Variants in ABCA12 observed in about 807,000 individuals in gnomAD.
The protein encoded by ABCA12 is ATP binding cassette subfamily A member 12.
Under a neutral mutation model 293.5 loss-of-function variants are expected in ABCA12, and 156 were observed. The ratio of observed to expected loss-of-function variants is 0.53; its 90% CI spans 0.47 to 0.61. The LOEUF (loss-of-function observed/expected upper bound fraction) is 0.61, where lower values mean the gene tolerates loss of function less well. ABCA12 is among the 20% of genes least tolerant of loss of function. The pLI is 0.00. For synonymous variants in ABCA12, 1,063 were observed against 1,108.0 expected (o/e 0.96, Z 0.81); for missense variants, 2,797 against 3,090.2 (o/e 0.91, Z 2.25).
At chr2:215,014,485 G>A (rs1700446342) in intron 15 of ABCA12, among the ~76,000 whole-genome samples, 1 of 152,176 alleles carries the variant, frequency 6.6e-6, no homozygotes, top group South Asian at 2.1e-4. Flanking sequence ...GAATCATTGT[G>A]CAGATCATAA....
intron 36 of ABCA12, among the ~76,000 whole-genome samples, chr2:214,973,476 G>T (rs1699434262): frequency 6.6e-6 from 1 of 152,116 alleles, no homozygotes; most frequent in Non-Finnish European, 1.5e-5. Context: ...AGTAAGTGAT[G>T]AATAATTTTT....
chr2:215,057,677 G>A (rs750625060), intron 3 of ABCA12, among the ~76,000 whole-genome samples: 7 of 151,992 alleles, frequency 4.6e-5, no homozygotes, highest in Non-Finnish European at 8.8e-5. Flanking sequence ...CTTAAGAAAA[G>A]CCTACAGTGT....
At chr2:215,129,610 G>C (rs796896629) in intron 1 of ABCA12, among the ~76,000 whole-genome samples, 1 of 151,976 alleles carries the variant, frequency 6.6e-6, no homozygotes, top group Non-Finnish European at 1.5e-5. Context: ...GTTTGAGTTC[G>C]TTATAGATTC....
intron 2 of ABCA12, among the ~76,000 whole-genome samples, chr2:215,106,512 G>A (rs149776339): frequency 6.6e-6 from 1 of 152,214 alleles, no homozygotes; most frequent in African/African-American, 2.4e-5. Flanking sequence ...CCAGGCTCCA[G>A]CACATAATAA....
chr2:214,934,073 C>T lies in ABCA12; in HGVS notation c.7680+5G>A. 2.5e-6 allele frequency: 4 copies of T among 1,613,064 alleles called. No homozygotes were observed. The highest frequency in any genetic ancestry group is 3.4e-6 in the Non-Finnish European group (4 of 1,179,334). On this transcript the variant is annotated splice_donor_5th_base_variant and intron_variant, in intron 52 of 52. Transcript: ENST00000272895. ...TGTGCACATGGATCGTGGTATATAT[C>T]TTACCTCTTCCAGAGTGGTCTGACT...
At chr2:214,934,327 A>G in intron 51 of ABCA12, 112 bp from the exon 52 acceptor site, 1 of 1,186,006 alleles carries the variant, frequency 8.4e-7, no homozygotes, top group East Asian at 2.3e-5. Context: ...TTCCACTGAA[A>G]ATGATGCTAC....
intron 22 of ABCA12, among the ~76,000 whole-genome samples, chr2:214,999,317 G>C (rs746681934): frequency 3.5e-4 from 53 of 152,284 alleles, no homozygotes; most frequent in Middle Eastern, 6.8e-3. Context: ...ATTTGGTCTA[G>C]TATAAAGCAG....
chr2:215,080,959 G>C (rs13027355), intron 2 of ABCA12: 1 of 151,924 alleles, frequency 6.6e-6, no homozygotes, highest in African/African-American at 2.4e-5. Context: ...TTCTCAACCA[G>C]TGCTGGAAAA....
intron 7 of ABCA12, among the ~76,000 whole-genome samples, chr2:215,040,822 CAAAAAAACA>C (rs144070534): frequency 0.085 from 12,839 of 151,416 alleles, 1,515 homozygotes; most frequent in African/African-American, 0.27. Flanking sequence ...AAAAAACAAA[CAAAAAAACA>C]AAAAAACAAA....
rs186799207 is a variant in ABCA12 at position 215,114,362 on chromosome 2, T to A, written c.70-2672A>T. ...TTTATTTTATTTTACATGATGAATT[T>A]TAAAACATTATTCTTAAAGGAGCTG... On this transcript the variant is annotated intron_variant, in intron 1 of 52. Coordinates refer to ENST00000272895, the MANE Select transcript of ABCA12 (RefSeq NM_173076.3). Among the ~76,000 whole-genome samples the A allele has an allele frequency of 3.8e-4, 58 of 152,334 alleles. 1 individual carries two copies. The Middle Eastern group carries it at 0.014, about 36-fold the overall frequency.
At chr2:214,992,477 A>AC (rs1491545009) in intron 23 of ABCA12, among the ~76,000 whole-genome samples, 7 of 144,540 alleles carry the variant, frequency 4.8e-5, no homozygotes, top group Non-Finnish European at 6.1e-5. Context: ...AAAAAAAAAA[A>AC]CAATTCATGA....
In ABCA12 at chr2:214,970,304, T is replaced by A; in HGVS notation, c.5659A>T (p.Ile1887Leu). Residue 1887 changes from isoleucine (I) to leucine (L), a missense_variant, in exon 37 of 53, where the codon ATA becomes TTA. This residue lies in a region of ABCA12 where 2,130 missense variants were observed against 2,427.0 expected (regional missense o/e 0.88). Coordinates refer to ENST00000272895, the MANE Select transcript of ABCA12 (RefSeq NM_173076.3). The stretch of plus-strand genomic sequence containing the variant: ...TGGACAAACTCATTTGCAGTTGATA[T>A]AAGATAATTTTCCACTCGTTGCCCA... ...LTGQRVENYL[I>L]STANEFVQKR... The A allele has an allele frequency of 4.3e-6, 7 of 1,613,082 alleles. No individual in the cohort carries two copies. Among genetic ancestry groups the A allele is most frequent in the Non-Finnish European group, 5.9e-6 (7 of 1,179,402 alleles).
intron 19 of ABCA12, 61 bp from the exon 20 acceptor site, chr2:215,004,360 C>T: frequency 7.9e-7 from 1 of 1,259,890 alleles, no homozygotes; most frequent in Admixed American, 1.8e-5. Flanking sequence ...GACATTGTCT[C>T]TCTAATAACC....
At chr2:215,038,623 G>A (rs1039230863) in intron 7 of ABCA12, among the ~76,000 whole-genome samples, 1 of 152,184 alleles carries the variant, frequency 6.6e-6, no homozygotes, top group Non-Finnish European at 1.5e-5. Flanking sequence ...GTTCTCAGGT[G>A]TTGGGTTACT....
chr2:214,955,944 A>G (rs898484281), intron 42 of ABCA12, among the ~76,000 whole-genome samples: 2 of 152,190 alleles, frequency 1.3e-5, no homozygotes, highest in African/African-American at 4.8e-5. Flanking sequence ...CAGAAATATG[A>G]GTTTAATCAG....
intron 1 of ABCA12, among the ~76,000 whole-genome samples, chr2:215,125,816 G>A (rs777748595): frequency 1.3e-5 from 2 of 152,096 alleles, no homozygotes; most frequent in Non-Finnish European, 2.9e-5. Flanking sequence ...CTCTGGCTAG[G>A]ACTTCCAGTA....
chr2:214,989,662 T>C, intron 24 of ABCA12, 41 bp from the exon 25 acceptor site: 1 of 1,605,408 alleles, frequency 6.2e-7, no homozygotes, highest in East Asian at 2.2e-5. Context: ...CTTGTAGATT[T>C]CATGTATTTC....
At chr2:214,996,340 C>A (rs1433397790) in intron 23 of ABCA12, among the ~76,000 whole-genome samples, 2 of 152,052 alleles carry the variant, frequency 1.3e-5, no homozygotes, top group Non-Finnish European at 1.5e-5. Flanking sequence ...TGTATGCATA[C>A]ATGCTTCTAT....
At chr2:215,116,668 G>T (rs1166275899) in intron 1 of ABCA12, among the ~76,000 whole-genome samples, 1 of 152,168 alleles carries the variant, frequency 6.6e-6, no homozygotes, top group African/African-American at 2.4e-5. Context: ...AAAGCTTAAT[G>T]AGGAATGGAG....
Sources: allele counts gnomAD v4.1 joint callset (sites outside exome capture counted in the v4.1 genomes callset), GRCh38; gene constraint gnomAD v4.1.1; regional missense constraint gnomAD v4.1.1; transcripts MANE v1.5; gene names NCBI Gene and HGNC (gene_info 2026-07-23, HGNC 2026-07-21).